The following STXBP4 variants were observed in gnomAD, a reference collection of about 807,000 sequenced individuals.
STXBP4 encodes the protein syntaxin-binding protein 4.
A neutral mutation model predicts 76.1 loss-of-function variants in STXBP4; 55 were observed. That is an observed-to-expected ratio of 0.72 (90% confidence interval 0.58 to 0.91). The LOEUF (loss-of-function observed/expected upper bound fraction) is 0.91, where lower values mean the gene tolerates loss of function less well. STXBP4 is among the 40% of genes least tolerant of loss of function. The pLI, the probability that STXBP4 is intolerant of heterozygous loss-of-function variation, is 0.00. For synonymous variants in STXBP4, 201 were observed against 220.2 expected, an observed-to-expected ratio of 0.91 and a Z score of 0.77; for missense variants, 618 against 636.9, an observed-to-expected ratio of 0.97 and a Z score of 0.32.
At chr17:55,086,665 G>A (rs1197911956) in intron 16 of STXBP4, among the ~76,000 whole-genome samples, 2 of 151,876 alleles carry the variant, frequency 1.3e-5, no homozygotes, top group South Asian at 2.1e-4. Context: ...TTATCCATTC[G>A]TCTGTTGTTG....
intron 16 of STXBP4, among the ~76,000 whole-genome samples, chr17:55,122,945 C>G (rs1028601547): frequency 2.0e-5 from 3 of 151,998 alleles, no homozygotes; most frequent in Non-Finnish European, 4.4e-5. Context: ...AAGTAGAAAA[C>G]CAAATTTTTT....
Position 55,034,226 on chromosome 17 carries a change from T to C in STXBP4, c.822T>C (p.Gly274=). 2 of 1,612,286 alleles carry C rather than the reference T, an allele frequency of 1.2e-6. No individual in the cohort carries two copies. Among genetic ancestry groups the C allele is most frequent in the Non-Finnish European group, 1.7e-6 (2 of 1,178,860 alleles). ...FCLQLDEVNV[G]AHEISNILDS... is the part of the protein sequence containing the mutation. Reference sequence around the variant, plus strand: ...TGCAGTTGGATGAAGTAAATGTTGGTGCACATGAAATTTCCAATATATTAG... The same window carrying C: ...TGCAGTTGGATGAAGTAAATGTTGGCGCACATGAAATTTCCAATATATTAG... The change falls in exon 10 of 18, where the codon GGT becomes GGC. Residue 274 remains glycine (G), a synonymous_variant. Transcript: ENST00000376352.
At chr17:55,146,487 G>A (rs374496430) in intron 17 of STXBP4, among the ~76,000 whole-genome samples, 2 of 152,148 alleles carry the variant, frequency 1.3e-5, no homozygotes, top group Admixed American at 6.5e-5. Context: ...CAAGGCAGGC[G>A]GATCACGAGG....
intron 17 of STXBP4, among the ~76,000 whole-genome samples, 181 bp downstream of exon 17, chr17:55,141,548 G>A (rs1396176189): frequency 6.6e-6 from 1 of 152,002 alleles, no homozygotes; most frequent in Non-Finnish European, 1.5e-5. Context: ...GATATCATTT[G>A]GGGGAAAAAA....
intron 16 of STXBP4, among the ~76,000 whole-genome samples, chr17:55,125,764 C>T (rs1168713646): frequency 2.6e-5 from 4 of 152,138 alleles, no homozygotes; most frequent in Non-Finnish European, 5.9e-5. Context: ...GTAGACACTA[C>T]TTGCCTCACT....
chr17:55,164,170 A>G lies in STXBP4; in HGVS notation c.*4259A>G, dbSNP rs1199206774. 1 of 152,228 alleles carries G rather than the reference A, an allele frequency of 6.6e-6. No individual in the cohort carries two copies. The highest frequency in any genetic ancestry group is 1.5e-5 in the Non-Finnish European group (1 of 68,034). The allele number at this position is 152,228 out of a possible 1,614,324, so 9.4% of individuals were successfully genotyped here. A position where few individuals can be genotyped will look rare whatever the true frequency, so the allele number is the denominator to read the frequency against. ...GCTTCGCTTTAGAAATGAAATACCC[A>G]AGGTGTTTTAACTACAACTGTCTAC... On this transcript the variant is annotated 3_prime_UTR_variant, in exon 18 of 18. Transcript: ENST00000376352.
chr17:55,153,028 A>G (rs190479465), intron 17 of STXBP4, among the ~76,000 whole-genome samples: 1 of 152,296 alleles, frequency 6.6e-6, no homozygotes, highest in Admixed American at 6.5e-5. Flanking sequence ...TAATGGTTAA[A>G]TTCTCAGAAG....
intron 12 of STXBP4, among the ~76,000 whole-genome samples, chr17:55,050,597 C>G (rs2078847125): frequency 1.3e-5 from 2 of 152,124 alleles, no homozygotes; most frequent in Admixed American, 6.6e-5. Flanking sequence ...AATTGCTCCT[C>G]CTGGAAGAGA....
intron 16 of STXBP4, among the ~76,000 whole-genome samples, chr17:55,100,090 A>G (rs1459710504): frequency 6.6e-6 from 1 of 152,206 alleles, no homozygotes; most frequent in Non-Finnish European, 1.5e-5. Context: ...AGGAGCATGA[A>G]TGATGCCTTC....
chr17:55,096,321 A>AATTTTTTGGT (rs2079485852), intron 16 of STXBP4, among the ~76,000 whole-genome samples: 1 of 151,982 alleles, frequency 6.6e-6, no homozygotes, highest in Non-Finnish European at 1.5e-5. Context: ...ACGCCTAGCT[A>AATTTTTTGGT]ATTTTTTGGT....
At chr17:55,174,930 A>G (rs533977920), downstream of STXBP4, among the ~76,000 whole-genome samples, 1 of 152,230 alleles carries the variant, frequency 6.6e-6, no homozygotes, top group South Asian at 2.1e-4. Flanking sequence ...AGGCTGAGGC[A>G]GGAGAACGGC....
At chr17:55,047,228 G>A (rs2078803102) in intron 12 of STXBP4, 74 bp downstream of exon 12, 3 of 842,780 alleles carry the variant, frequency 3.6e-6, no homozygotes, top group East Asian at 2.8e-5. Context: ...GAACATATGA[G>A]GTATAATTAT....
chr17:55,051,201 T>G (rs1220507290), intron 12 of STXBP4, among the ~76,000 whole-genome samples: 1 of 152,154 alleles, frequency 6.6e-6, no homozygotes, highest in Non-Finnish European at 1.5e-5. Context: ...ATGTTAATAT[T>G]CTACTCATTC....
intron 17 of STXBP4, among the ~76,000 whole-genome samples, chr17:55,157,299 CA>C (rs1345603432): frequency 6.6e-6 from 1 of 152,164 alleles, no homozygotes. Flanking sequence ...GTACTTTGTA[CA>C]GGGTGATGTG....
intron 10 of STXBP4, among the ~76,000 whole-genome samples, chr17:55,042,722 A>G (rs550396779): frequency 6.2e-4 from 94 of 152,232 alleles, no homozygotes; most frequent in Admixed American, 9.8e-4. Flanking sequence ...TCTTCAATCT[A>G]CAATTTCTGT....
chr17:55,147,232 G>A (rs192236946), intron 17 of STXBP4, among the ~76,000 whole-genome samples: 104 of 152,302 alleles, frequency 6.8e-4, no homozygotes, highest in African/African-American at 2.4e-3. Context: ...GGACCAGGGG[G>A]TAGGGGGACG....
At chr17:55,072,514 A>T (rs758023311) in intron 12 of STXBP4, among the ~76,000 whole-genome samples, 5 of 152,184 alleles carry the variant, frequency 3.3e-5, no homozygotes, top group Non-Finnish European at 7.3e-5. Context: ...GCAGCATCTG[A>T]TGACCCTACA....
intron 16 of STXBP4, among the ~76,000 whole-genome samples, chr17:55,121,244 G>A (rs1278777859): frequency 6.6e-6 from 1 of 152,124 alleles, no homozygotes; most frequent in Non-Finnish European, 1.5e-5. Flanking sequence ...TAATAGCTCA[G>A]ATAAATGAGA....
intron 4 of STXBP4, among the ~76,000 whole-genome samples, chr17:54,998,615 C>T (rs1287818172): frequency 1.3e-5 from 2 of 152,080 alleles, no homozygotes; most frequent in Admixed American, 1.3e-4. Context: ...ATATGCACAG[C>T]CAACTAGGCC....
Sources: gnomAD v4.1 joint callset for allele counts (sites outside exome capture counted in the v4.1 genomes callset) on GRCh38, gnomAD v4.1.1 for gene constraint, MANE v1.5 for transcripts, NCBI Gene and HGNC (gene_info 2026-07-23, HGNC 2026-07-21) for gene names.